PLCXD3: variants seen among roughly 807,000 people sequenced by gnomAD.
PLCXD3 encodes the protein PI-PLC X domain-containing protein 3.
A neutral mutation model predicts 25.5 loss-of-function variants in PLCXD3; 19 were observed. The ratio of observed to expected loss-of-function variants is 0.75; its 90% CI spans 0.52 to 1.09. The LOEUF (loss-of-function observed/expected upper bound fraction) is 1.09, where lower values mean the gene tolerates loss of function less well. Among genes scored for constraint, PLCXD3 ranks in the 50% least tolerant of loss-of-function variants. PLCXD3 has a pLI of 0.00. For missense variants in PLCXD3, 411 were observed against 388.1 expected, an observed-to-expected ratio of 1.06 and a Z score of -0.50; for synonymous variants, 174 against 137.6, an observed-to-expected ratio of 1.26 and a Z score of -1.85.
chr5:41,421,614 T>G (rs1381753292), intron 1 of PLCXD3, among the ~76,000 whole-genome samples: 2 of 152,122 alleles, frequency 1.3e-5, no homozygotes, highest in Admixed American at 6.5e-5. Flanking sequence ...GGCAGGAGAA[T>G]GGCGTGAACC....
At chr5:41,501,453 T>G (rs1422972144) in intron 1 of PLCXD3, among the ~76,000 whole-genome samples, 1 of 152,082 alleles carries the variant, frequency 6.6e-6, no homozygotes, top group Non-Finnish European at 1.5e-5. Context: ...GGACAAATAC[T>G]GCATGATTCC....
chr5:41,377,742 C>T (rs528912905), intron 2 of PLCXD3, among the ~76,000 whole-genome samples: 1 of 152,222 alleles, frequency 6.6e-6, no homozygotes, highest in South Asian at 2.1e-4. Context: ...CCACCCACAA[C>T]TTCAAACGCT....
At chr5:41,355,552 G>A (rs1744594633) in intron 2 of PLCXD3, among the ~76,000 whole-genome samples, 1 of 152,154 alleles carries the variant, frequency 6.6e-6, no homozygotes. Flanking sequence ...CTCCATCCAA[G>A]CCCTTTCCCT....
At chr5:41,505,130 T>A (rs1749026731) in intron 1 of PLCXD3, among the ~76,000 whole-genome samples, 1 of 152,088 alleles carries the variant, frequency 6.6e-6, no homozygotes, top group South Asian at 2.1e-4. Context: ...AGTCAGGGTA[T>A]AATAAATTTT....
intron 2 of PLCXD3, among the ~76,000 whole-genome samples, chr5:41,381,120 T>C (rs1478868077): frequency 6.6e-6 from 1 of 152,148 alleles, no homozygotes; most frequent in Non-Finnish European, 1.5e-5. Context: ...ATTTTTTAAA[T>C]CTGTAAGACA....
chr5:41,388,196 A>G (rs1192705043), intron 1 of PLCXD3, among the ~76,000 whole-genome samples: 1 of 152,000 alleles, frequency 6.6e-6, no homozygotes, highest in East Asian at 1.9e-4. Context: ...AGGCATAGAG[A>G]CAAACAAATA....
chr5:41,482,909 A>G (rs527805934), intron 1 of PLCXD3, among the ~76,000 whole-genome samples: 3 of 152,332 alleles, frequency 2.0e-5, no homozygotes, highest in African/African-American at 4.8e-5. Context: ...CTGAAACTCT[A>G]CAAATTAAAC....
intron 1 of PLCXD3, among the ~76,000 whole-genome samples, chr5:41,444,207 C>T (rs62360431): frequency 0.12 from 19,002 of 152,144 alleles, 1,296 homozygotes; most frequent in Middle Eastern, 0.17. Context: ...TAGTCTTACC[C>T]TGGGTGTCTC....
At chr5:41,357,591 G>T (rs575055321) in intron 2 of PLCXD3, among the ~76,000 whole-genome samples, 18 of 152,288 alleles carry the variant, frequency 1.2e-4, no homozygotes, top group African/African-American at 3.6e-4. Flanking sequence ...GTCAACCAGT[G>T]CTTCTCAAAC....
chr5:41,397,897 T>C (rs1746059544), intron 1 of PLCXD3, among the ~76,000 whole-genome samples: 1 of 152,204 alleles, frequency 6.6e-6, no homozygotes, highest in Non-Finnish European at 1.5e-5. Flanking sequence ...TGTAACCCCT[T>C]TGTTTTGGTC....
intron 2 of PLCXD3, among the ~76,000 whole-genome samples, chr5:41,320,436 G>A (rs891044695): frequency 1.3e-5 from 2 of 152,174 alleles, no homozygotes; most frequent in African/African-American, 4.8e-5. Flanking sequence ...GACCAATTGG[G>A]ATTCATCCCT....
intron 1 of PLCXD3, among the ~76,000 whole-genome samples, chr5:41,480,881 G>C (rs1206925249): frequency 6.6e-6 from 1 of 152,046 alleles, no homozygotes; most frequent in African/African-American, 2.4e-5. Flanking sequence ...CTGCACTCCA[G>C]CCTGCATGAC....
At chr5:41,439,181 G>A (rs1747323440) in intron 1 of PLCXD3, among the ~76,000 whole-genome samples, 1 of 152,022 alleles carries the variant, frequency 6.6e-6, no homozygotes. Flanking sequence ...TCCTGCATGG[G>A]TCATGAATGG....
In PLCXD3 at chr5:41,485,428, A is replaced by G. The variant is rs189560714; in HGVS notation, c.103+24996T>C. Among the ~76,000 whole-genome samples, 166 of 152,212 alleles carry G rather than the reference A, an allele frequency of 1.1e-3. 1 individual carries two copies. In the Middle Eastern group the frequency reaches 0.034, roughly 31 times the overall value. On this transcript the variant is annotated intron_variant, in intron 1 of 2. Coordinates refer to ENST00000377801, the MANE Select transcript of PLCXD3 (RefSeq NM_001005473.3). ...CAAAACCTTCAACCTTCTAAATTGTATTCTTTGGTTGCTTTAATTTAGAAC... is the reference window on the plus strand; with the variant it reads ...CAAAACCTTCAACCTTCTAAATTGTGTTCTTTGGTTGCTTTAATTTAGAAC...
At chr5:41,323,215 C>T (rs1743527592) in intron 2 of PLCXD3, among the ~76,000 whole-genome samples, 1 of 151,724 alleles carries the variant, frequency 6.6e-6, no homozygotes, top group Non-Finnish European at 1.5e-5. Flanking sequence ...TTACCAGAGG[C>T]TAGGAAGCAT....
intron 2 of PLCXD3, among the ~76,000 whole-genome samples, chr5:41,373,260 G>T (rs897644097): frequency 1.3e-5 from 2 of 151,982 alleles, no homozygotes; most frequent in Admixed American, 1.3e-4. Flanking sequence ...ATCGTAGACT[G>T]GTTCTGGTCA....
rs1746927148 is a variant in PLCXD3 at position 41,425,245 on chromosome 5, T to C, written c.104-42711A>G. On this transcript the variant is annotated intron_variant, in intron 1 of 2. Coordinates refer to ENST00000377801, the MANE Select transcript of PLCXD3 (RefSeq NM_001005473.3). ...TCCCTTTACTTTCAACCTTTTTGTGTTTTCATGACTCCAGTGTGTCTCATA... is the reference window on the plus strand; with the variant it reads ...TCCCTTTACTTTCAACCTTTTTGTGCTTTCATGACTCCAGTGTGTCTCATA... Among the ~76,000 whole-genome samples, 3 of 152,284 alleles carry C rather than the reference T, an allele frequency of 2.0e-5. No individual in the cohort carries two copies. The South Asian group carries it at 6.2e-4, about 32-fold the overall frequency.
chr5:41,342,783 A>G (rs577418715), intron 2 of PLCXD3, among the ~76,000 whole-genome samples: 1 of 152,338 alleles, frequency 6.6e-6, no homozygotes, highest in Non-Finnish European at 1.5e-5. Context: ...TCATTCCAAA[A>G]GTTAAAAACT....
At chr5:41,392,719 G>T (rs1487929488) in intron 1 of PLCXD3, among the ~76,000 whole-genome samples, 1 of 152,106 alleles carries the variant, frequency 6.6e-6, no homozygotes, top group Non-Finnish European at 1.5e-5. Flanking sequence ...ACTAAATGAG[G>T]CACCAGGGAC....
Sources: gnomAD v4.1 joint callset for allele counts (sites outside exome capture counted in the v4.1 genomes callset) on GRCh38, gnomAD v4.1.1 for gene constraint, MANE v1.5 for transcripts, NCBI Gene and HGNC (gene_info 2026-07-23, HGNC 2026-07-21) for gene names.